OTC: variants seen among roughly 807,000 people sequenced by gnomAD.
The protein encoded by OTC is ornithine transcarbamylase.
Under a neutral mutation model 30.3 loss-of-function variants are expected in OTC, and 3 were observed. That is an observed-to-expected ratio of 0.10 (90% CI 0.05 to 0.26). The LOEUF (loss-of-function observed/expected upper bound fraction) is 0.26, where lower values mean the gene tolerates loss of function less well. OTC is among the 10% of genes least tolerant of loss of function. The pLI is 1.00. For missense variants in OTC, 194 were observed against 260.3 expected, an observed-to-expected ratio of 0.75 and a Z score of 1.75; for synonymous variants, 111 against 99.7, an observed-to-expected ratio of 1.11 and a Z score of -0.67.
upstream of OTC, among the ~76,000 whole-genome samples, chrX:38,348,030 G>T (rs1018917221): frequency 8.9e-6 from 1 of 112,113 alleles, no homozygotes; most frequent in African/African-American, 3.2e-5. Flanking sequence ...AGCAACATTT[G>T]GCTATTTGGA....
upstream of OTC, among the ~76,000 whole-genome samples, chrX:38,349,074 G>A (rs2068202510): frequency 8.9e-6 from 1 of 111,819 alleles, no homozygotes; most frequent in Non-Finnish European, 1.9e-5. Flanking sequence ...TTGCAAAACT[G>A]TTGAGAAGGT....
chrX:38,384,729 C>T (rs771572305), intron 4 of OTC, among the ~76,000 whole-genome samples: 1 of 110,333 alleles, frequency 9.1e-6, no homozygotes, highest in South Asian at 3.9e-4. Context: ...GCTTTGGGGG[C>T]CTGGTCGAAT....
the OTC span, among the ~76,000 whole-genome samples, chrX:38,330,167 A>G: frequency 9.0e-6 from 1 of 111,698 alleles, no homozygotes; most frequent in Non-Finnish European, 1.9e-5. Flanking sequence ...GGTCAGAGAG[A>G]TACAACAGCG....
intron 8 of OTC, among the ~76,000 whole-genome samples, chrX:38,411,086 T>G (rs1229569529): frequency 9.0e-6 from 1 of 111,655 alleles, no homozygotes; most frequent in African/African-American, 3.3e-5. Flanking sequence ...CCTGTTTAAT[T>G]CACCCCTACC....
At chrX:38,359,977 G>A (rs1195705904) in intron 1 of OTC, among the ~76,000 whole-genome samples, 1 of 104,363 alleles carries the variant, frequency 9.6e-6, no homozygotes, top group Non-Finnish European at 2.0e-5. Context: ...GAGTGCAATG[G>A]TGCGATCTCA....
chrX:38,366,428 A>G (rs1403735766), intron 1 of OTC, among the ~76,000 whole-genome samples: 2 of 111,812 alleles, frequency 1.8e-5, no homozygotes, highest in African/African-American at 3.2e-5. Flanking sequence ...TCCAGGGATA[A>G]AAAGAACAAG....
At chrX:38,398,298 T>C (rs1268199085) in intron 4 of OTC, among the ~76,000 whole-genome samples, 2 of 112,157 alleles carry the variant, frequency 1.8e-5, no homozygotes, top group African/African-American at 6.5e-5. Flanking sequence ...GGCCTTGATT[T>C]CTTCATCTTT....
At chrX:38,413,005 A>G (rs1026926565) in intron 9 of OTC, among the ~76,000 whole-genome samples, 11 of 111,854 alleles carry the variant, frequency 9.8e-5, no homozygotes, top group Admixed American at 9.5e-4. Flanking sequence ...CTCTACCTGC[A>G]TATGTAGCAG....
chrX:38,330,463 A>C, the OTC span, among the ~76,000 whole-genome samples: 1 of 112,595 alleles, frequency 8.9e-6, no homozygotes, highest in African/African-American at 3.2e-5. Context: ...TCTTCACAGG[A>C]ACCCTAAATG....
At chrX:38,386,382 A>AT (rs1293229285) in intron 4 of OTC, among the ~76,000 whole-genome samples, 279 of 73,769 alleles carry the variant, frequency 3.8e-3, no homozygotes, top group African/African-American at 0.011. Context: ...CAAAAAAAAA[A>AT]AAAAATATAT....
rs72558421 is a variant in OTC, at chrX:38,403,720, C to A, written c.643C>A (p.Leu215Ile). ...MMSAAKFGMH[L>I]QAATPKGYEP... ...GAGCGCAGCGAAATTCGGAATGCAC[C>A]TTCAGGCAGCTACTCCAAAGGTAGG... Residue 215 changes from leucine (L) to isoleucine (I), a missense_variant, in exon 6 of 10, where the codon CTT becomes ATT. Leu to Ile is a conservative substitution (Grantham distance 5). Transcript: ENST00000039007. 1.7e-6 allele frequency: 2 copies of A among 1,210,877 alleles called. No homozygotes were observed. Among genetic ancestry groups the A allele is most frequent in the Admixed American group, 2.2e-5 (1 of 46,008 alleles).
At chrX:38,348,297 T>C (rs553728297), upstream of OTC, among the ~76,000 whole-genome samples, 2 of 112,260 alleles carry the variant, frequency 1.8e-5, no homozygotes, top group South Asian at 7.3e-4. Flanking sequence ...CCCAGGTTAA[T>C]GGTTTCAAAA....
At chrX:38,413,116 G>T (rs1442635933) in intron 9 of OTC, among the ~76,000 whole-genome samples, 1 of 112,195 alleles carries the variant, frequency 8.9e-6, no homozygotes, top group Non-Finnish European at 1.9e-5. Context: ...TACCCTAGCT[G>T]CAAGGGAGTT....
upstream of OTC, among the ~76,000 whole-genome samples, chrX:38,350,263 TG>T (rs1429379755): frequency 9.0e-6 from 1 of 111,486 alleles, no homozygotes; most frequent in African/African-American, 3.3e-5. Context: ...TGGTGAATAT[TG>T]GAAGGAACTC....
At chrX:38,395,813 T>G (rs1303840086) in intron 4 of OTC, 1 of 111,460 alleles carries the variant, frequency 9.0e-6, no homozygotes, top group Non-Finnish European at 1.9e-5. Context: ...GAGATAGACA[T>G]GCAAGTTATG....
chrX:38,407,207 G>T (rs750870849), intron 6 of OTC, among the ~76,000 whole-genome samples: 1 of 112,493 alleles, frequency 8.9e-6, no homozygotes, highest in Non-Finnish European at 1.9e-5. Flanking sequence ...GCAGAGGAGG[G>T]TCAGGTTTTC....
chrX:38,396,801 T>C (rs746987006), intron 4 of OTC, among the ~76,000 whole-genome samples: 6 of 111,926 alleles, frequency 5.4e-5, no homozygotes, highest in African/African-American at 6.5e-5. Context: ...CTACTTTTTA[T>C]GGACATTTAA....
In OTC at chrX:38,403,221, A is replaced by G. The variant is rs182476331; in HGVS notation, c.541-397A>G. ...TCTGTATTTCCCCTTTCTCATACCA[A>G]AGAATTTCAGCTCCATAAAAGCAGT... is the stretch of plus-strand genomic sequence containing the variant. On this transcript the variant is annotated intron_variant, in intron 5 of 9. Transcript: ENST00000039007. 4.5e-5 allele frequency among the ~76,000 whole-genome samples: 5 copies of G among 111,808 alleles called. No homozygotes were observed. The East Asian group carries it at 1.4e-3, about 32-fold the overall frequency.
chrX:38,342,456 G>A, the OTC span, among the ~76,000 whole-genome samples: 2 of 111,419 alleles, frequency 1.8e-5, no homozygotes, highest in Non-Finnish European at 3.8e-5. Flanking sequence ...ATGTGCCAAT[G>A]GTAGTAGTTA....
Sources: gnomAD v4.1 joint callset for allele counts (sites outside exome capture counted in the v4.1 genomes callset) on GRCh38, gnomAD v4.1.1 for gene constraint, MANE v1.5 for transcripts, NCBI Gene and HGNC (gene_info 2026-07-23, HGNC 2026-07-21) for gene names.